The following LHX2 variants were observed in gnomAD, a reference collection of about 807,000 sequenced individuals.
LHX2 encodes LIM/homeobox protein Lhx2.
LHX2 carries 6 observed loss-of-function variants against 33.0 expected under a neutral mutation model. The observed-to-expected ratio is 0.18, with a 90% CI of 0.10 to 0.36. The LOEUF is 0.36. LHX2 is among the 10% of genes least tolerant of loss of function. LHX2 has a pLI of 1.00. For missense variants in LHX2, 442 were observed against 586.2 expected (o/e 0.75, Z 2.54); for synonymous variants, 292 against 253.1 (o/e 1.15, Z -1.46).
At chr9:124,019,987 C>A (rs1455506725) in intron 3 of LHX2, among the ~76,000 whole-genome samples, 2 of 152,208 alleles carry the variant, frequency 1.3e-5, no homozygotes, top group African/African-American at 4.8e-5. Context: ...GCAGCGTGGC[C>A]CCCATGAGGC....
intron 4 of LHX2, among the ~76,000 whole-genome samples, chr9:124,028,727 A>G (rs1412562913): frequency 6.6e-6 from 1 of 152,154 alleles, no homozygotes; most frequent in East Asian, 1.9e-4. Context: ...CTTTTAGGGC[A>G]AGTGGTCCTG....
intron 4 of LHX2, among the ~76,000 whole-genome samples, chr9:124,028,638 C>T (rs1828664269): frequency 6.6e-6 from 1 of 152,212 alleles, no homozygotes; most frequent in Non-Finnish European, 1.5e-5. Context: ...AGTTGCTTCT[C>T]TGTTTCTTCA....
chr9:124,029,748 C>T (rs925945698), intron 4 of LHX2, among the ~76,000 whole-genome samples: 6 of 152,222 alleles, frequency 3.9e-5, no homozygotes, highest in South Asian at 4.1e-4. Flanking sequence ...GAGAGTCAGA[C>T]GCACAGAGCA....
At chr9:124,031,723 CT>C (rs1828705938) in intron 4 of LHX2, 1 of 151,980 alleles carries the variant, frequency 6.6e-6, no homozygotes, top group Non-Finnish European at 1.5e-5. Context: ...GATATTCTAC[CT>C]GCTTTTTTTT....
rs370462976 is a variant in LHX2, at chr9:124,017,467, C to A, written c.727+1942C>A. Among the ~76,000 whole-genome samples, 846 of 152,344 alleles carry A rather than the reference C, an allele frequency of 5.6e-3. 10 individuals carry two copies. The highest frequency in any genetic ancestry group is 0.019 in the African/African-American group (778 of 41,590). ...GCCCTTCCCTCCCCTCCCGCACTGG[C>A]AGGAGAGAAATGGCCGCAGTGTGGG... On this transcript the variant is annotated intron_variant, in intron 3 of 4. Coordinates refer to ENST00000373615, the MANE Select transcript of LHX2 (RefSeq NM_004789.4).
intron 4 of LHX2, 88 bp downstream of exon 4, chr9:124,021,392 C>T (rs1859290980): frequency 3.5e-6 from 4 of 1,150,786 alleles, no homozygotes; most frequent in Non-Finnish European, 2.5e-6. Flanking sequence ...TTGGAAGGAC[C>T]TTCCACCCTG....
At chr9:124,013,614 C>T (rs1224821501) in intron 1 of LHX2, among the ~76,000 whole-genome samples, 2 of 152,374 alleles carry the variant, frequency 1.3e-5, no homozygotes, top group Non-Finnish European at 2.9e-5. Flanking sequence ...TCTTGGAGGG[C>T]TTGACTGGAG....
chr9:124,019,403 T>C (rs926033286), intron 3 of LHX2, among the ~76,000 whole-genome samples: 2 of 152,220 alleles, frequency 1.3e-5, no homozygotes, highest in African/African-American at 4.8e-5. Flanking sequence ...CATCCCCAGT[T>C]AAATTGGAAT....
At position 124,015,652 on chromosome 9, in the gene LHX2, C is replaced by T. The variant is rs2118751321; in HGVS notation, c.727+127C>T. The T allele has an allele frequency of 2.2e-5, 24 of 1,066,736 alleles. No homozygotes were observed. The South Asian group carries it at 3.5e-4, about 16-fold the overall frequency. 66.1% of individuals were successfully genotyped at this position (1,066,736 alleles called of 1,614,324 possible). A position where few individuals can be genotyped will look rare whatever the true frequency, so the allele number is the denominator to read the frequency against. On this transcript the variant is annotated intron_variant, in intron 3 of 4. Coordinates refer to ENST00000373615, the MANE Select transcript of LHX2 (RefSeq NM_004789.4). This position sits in a 1 kb window ranked among gnomAD's most constrained non-coding sequence, Gnocchi z 7.9. The stretch of plus-strand genomic sequence containing the variant: ...GAGCCTTAAGCACCGGACGGCCTCG[C>T]AGAAGGGACATTAGCCCCCTGGGCT...
intron 3 of LHX2, among the ~76,000 whole-genome samples, chr9:124,018,792 C>T (rs968295972): frequency 1.3e-5 from 2 of 152,198 alleles, no homozygotes; most frequent in African/African-American, 4.8e-5. Flanking sequence ...TCCGTCCCTA[C>T]CCCCTCTCTC....
rs2118738035 is a variant in LHX2 at position 124,012,205 on chromosome 9, G to A, written c.-144G>A. On this transcript the variant is annotated 5_prime_UTR_variant, in exon 1 of 5. Transcript: ENST00000373615. This position sits in a 1 kb window ranked among gnomAD's most constrained non-coding sequence, Gnocchi z 4.3. ...GCGCCCGGGGCCCGGAGCCCGGCCT[G>A]GGGGCTCAGCCGAGCTCGGGCGGGG... The A allele has an allele frequency of 6.3e-6, 5 of 798,452 alleles. No individual in the cohort carries two copies. In the East Asian group the frequency reaches 2.0e-4, roughly 31 times the overall value. 49.5% of individuals were successfully genotyped at this position (798,452 alleles called of 1,614,324 possible).
At chr9:124,024,188 T>C (rs1019977846) in intron 4 of LHX2, among the ~76,000 whole-genome samples, 14 of 152,238 alleles carry the variant, frequency 9.2e-5, no homozygotes, top group African/African-American at 3.4e-4. Context: ...CAGACCACAT[T>C]TGCACAAATC....
Position 124,013,856 on chromosome 9 carries a change from G to A in LHX2, c.121-105G>A, listed in dbSNP as rs1484835779. 2.9e-6 allele frequency: 3 copies of A among 1,026,316 alleles called. No individual in the cohort carries two copies. In the African/African-American group the frequency reaches 4.7e-5, roughly 16 times the overall value. The allele number at this position is 1,026,316 out of a possible 1,614,324, so 63.6% of individuals were successfully genotyped here. On this transcript the variant is annotated intron_variant, in intron 1 of 4. Coordinates refer to ENST00000373615, the MANE Select transcript of LHX2 (RefSeq NM_004789.4). The stretch of plus-strand genomic sequence containing the variant: ...GTCCTGGCAGCCCCCTCCGCGTTCA[G>A]GGTAGCCAAGGCCACAGAGGGAGTT...
rs1324329094 is a variant in LHX2 at position 124,016,279 on chromosome 9, T to C, written c.727+754T>C. On this transcript the variant is annotated intron_variant, in intron 3 of 4. Transcript: ENST00000373615. The surrounding 1 kb of genome is among the most constrained non-coding windows in gnomAD (Gnocchi z 4.4). Reference sequence around the variant, plus strand: ...GGGCTTGGTTCGGATTTCCGGCATCTTTGAACCCCAGGCCATTCCCGGAGA... The same window carrying C: ...GGGCTTGGTTCGGATTTCCGGCATCCTTGAACCCCAGGCCATTCCCGGAGA... Among the ~76,000 whole-genome samples, 1 of 152,114 alleles carries C rather than the reference T, an allele frequency of 6.6e-6. No homozygotes were observed. Among genetic ancestry groups the C allele is most frequent in the Non-Finnish European group, 1.5e-5 (1 of 68,004 alleles).
At chr9:124,024,592 C>T (rs942572650) in intron 4 of LHX2, among the ~76,000 whole-genome samples, 30 of 152,150 alleles carry the variant, frequency 2.0e-4, no homozygotes, top group African/African-American at 5.6e-4. Flanking sequence ...GGTGGTTGCA[C>T]GGAGTAAATA....
intron 4 of LHX2, among the ~76,000 whole-genome samples, chr9:124,023,012 G>A (rs10115669): frequency 6.6e-6 from 1 of 151,632 alleles, no homozygotes; most frequent in African/African-American, 2.4e-5. Context: ...GATGGAGAAC[G>A]TGACTACACT....
intron 4 of LHX2, chr9:124,031,980 T>A (rs1828708688): frequency 6.4e-6 from 1 of 155,350 alleles, no homozygotes; most frequent in African/African-American, 2.4e-5. Context: ...ACATCTGTAA[T>A]CCCAACGCTT....
intron 4 of LHX2, among the ~76,000 whole-genome samples, chr9:124,028,331 C>A (rs1354963359): frequency 1.3e-5 from 2 of 152,200 alleles, no homozygotes; most frequent in African/African-American, 4.8e-5. Context: ...CCTGATGATT[C>A]TCTGTCTGAA....
chr9:124,019,256 A>G (rs1859250910), intron 3 of LHX2, among the ~76,000 whole-genome samples: 2 of 152,188 alleles, frequency 1.3e-5, no homozygotes, highest in Non-Finnish European at 2.9e-5. Context: ...CCTAGCTAAC[A>G]GCTCCAAAGG....
Sources: allele counts gnomAD v4.1 joint callset (sites outside exome capture counted in the v4.1 genomes callset), GRCh38; gene constraint gnomAD v4.1.1; non-coding constraint Gnocchi (gnomAD v3.1); transcripts MANE v1.5; gene names NCBI Gene and HGNC (gene_info 2026-07-23, HGNC 2026-07-21).